The following CEP135 variants were observed in gnomAD, a reference collection of about 807,000 sequenced individuals.
The protein encoded by CEP135 is centrosomal protein of 135 kDa.
CEP135 carries 142 observed loss-of-function variants against 157.3 expected under a neutral mutation model. The observed-to-expected ratio is 0.90, with a 90% CI of 0.79 to 1.04. The LOEUF (loss-of-function observed/expected upper bound fraction) is 1.04, where lower values mean the gene tolerates loss of function less well. Among genes scored for constraint, CEP135 ranks in the 50% least tolerant of loss-of-function variants. The pLI is 0.00. For synonymous variants in CEP135, 396 were observed against 439.8 expected (o/e 0.90, Z 1.25); for missense variants, 1,317 against 1,309.2 (o/e 1.01, Z -0.09).
chr4:56,012,599 T>C (rs1176179450), intron 21 of CEP135, among the ~76,000 whole-genome samples: 1 of 152,228 alleles, frequency 6.6e-6, no homozygotes, highest in African/African-American at 2.4e-5. Context: ...TGAATTCGAT[T>C]ACTCTAGATA....
chr4:55,973,569 T>A (rs1395106540), intron 10 of CEP135, among the ~76,000 whole-genome samples: 1 of 152,206 alleles, frequency 6.6e-6, no homozygotes, highest in Non-Finnish European at 1.5e-5. Flanking sequence ...GGGCCCTAAC[T>A]TCTCTAATTT....
Position 55,974,879 on chromosome 4 carries a change from A to G in CEP135, c.1383A>G (p.Leu461=). ...AACGAGATTATTATAAGAAAGAGCT[A>G]GAGAGACTCCAACATATAATACAGC... The part of the protein sequence containing the change: ...EEERDYYKKE[L]ERLQHIIQRR... Residue 461 remains leucine, a synonymous_variant, in exon 11 of 26, where the codon CTA becomes CTG. Coordinates refer to ENST00000257287, the MANE Select transcript of CEP135 (RefSeq NM_025009.5). The G allele has an allele frequency of 1.2e-6, 2 of 1,613,886 alleles. No homozygotes were observed. Among genetic ancestry groups the G allele is most frequent in the East Asian group, 2.2e-5 (1 of 44,824 alleles).
chr4:55,952,079 C>T lies in CEP135; in HGVS notation c.-45-7C>T. The T allele has an allele frequency of 3.5e-6, 3 of 866,844 alleles. No individual in the cohort carries two copies. The highest frequency in any genetic ancestry group is 5.6e-6 in the Non-Finnish European group (3 of 532,314). The allele number at this position is 866,844 out of a possible 1,614,324, so 53.7% of individuals were successfully genotyped here. A position where few individuals can be genotyped will look rare whatever the true frequency, so the allele number is the denominator to read the frequency against. ...TAAGATAATGATGTTTCATTCTTTT[C>T]TCTCAGGACTTTAATTTTTGGAAGT... On this transcript the variant is annotated splice_polypyrimidine_tract_variant and splice_region_variant and intron_variant, in intron 1 of 25. Coordinates refer to ENST00000257287, the MANE Select transcript of CEP135 (RefSeq NM_025009.5).
Position 55,957,111 on chromosome 4 carries a change from A to G in CEP135, c.473-112A>G. The G allele has an allele frequency of 3.8e-6, 4 of 1,052,878 alleles. No homozygotes were observed. The South Asian group carries it at 4.8e-5, about 13-fold the overall frequency. 65.2% of individuals were successfully genotyped at this position (1,052,878 alleles called of 1,614,324 possible). ...TTGATGGAGAAAATATTTTGTCAAT[A>G]TGTATTATGAACTGCAGACACACTT... is the stretch of plus-strand genomic sequence containing the variant. On this transcript the variant is annotated intron_variant, in intron 4 of 25. Transcript: ENST00000257287.
intron 11 of CEP135, among the ~76,000 whole-genome samples, chr4:55,978,319 A>G (rs1729290320): frequency 6.6e-6 from 1 of 152,224 alleles, no homozygotes. Context: ...AATCATGTAC[A>G]TAACCTTATA....
At chr4:56,020,971 A>T (rs1242647521) in intron 24 of CEP135, among the ~76,000 whole-genome samples, 191 bp downstream of exon 24, 1 of 152,218 alleles carries the variant, frequency 6.6e-6, no homozygotes. Flanking sequence ...ACAGTAACTA[A>T]AATAGCAAGT....
At chr4:56,020,591 T>C in intron 23 of CEP135, 85 bp from the exon 24 acceptor site, 1 of 1,020,672 alleles carries the variant, frequency 9.8e-7, no homozygotes, top group South Asian at 1.4e-5. Context: ...GGTCTTGATC[T>C]TCTCTTTATT....
chr4:55,985,774 A>G (rs2109691896), intron 14 of CEP135, among the ~76,000 whole-genome samples: 1 of 152,152 alleles, frequency 6.6e-6, no homozygotes, highest in African/African-American at 2.4e-5. Context: ...ACACTGTTTT[A>G]TACAATTACA....
intron 14 of CEP135, 41 bp downstream of exon 14, chr4:55,985,399 G>T (rs1729545719): frequency 2.2e-6 from 2 of 920,882 alleles, no homozygotes; most frequent in Middle Eastern, 2.3e-4. Context: ...TGTGTTATAT[G>T]AATAACTATG....
chr4:56,008,262 A>G (rs757282711), intron 17 of CEP135, 65 bp from the exon 18 acceptor site: 4 of 1,143,664 alleles, frequency 3.5e-6, no homozygotes, highest in Non-Finnish European at 3.9e-6. Flanking sequence ...GAATATGACA[A>G]GTTACATAAA....
chr4:56,005,914 A>G (rs1344338750), intron 17 of CEP135, among the ~76,000 whole-genome samples: 6 of 151,900 alleles, frequency 3.9e-5, no homozygotes, highest in African/African-American at 7.3e-5. Context: ...ATGATAGTCT[A>G]CTTCCTCTTG....
intron 11 of CEP135, among the ~76,000 whole-genome samples, chr4:55,979,017 G>A (rs1729314013): frequency 6.6e-6 from 1 of 152,192 alleles, no homozygotes; most frequent in South Asian, 2.1e-4. Flanking sequence ...ATTTAACCAA[G>A]AGATTAATTA....
rs1731401076 is a variant in CEP135 at position 56,032,737 on chromosome 4, T to C, written c.*1389T>C. On this transcript the variant is annotated 3_prime_UTR_variant, in exon 26 of 26. Transcript: ENST00000257287. Reference sequence around the variant, plus strand: ...ACAAAAATCAATCGTGAAGAAAATCTGTTCTTAATATATTTCATTATGATT... The same window carrying C: ...ACAAAAATCAATCGTGAAGAAAATCCGTTCTTAATATATTTCATTATGATT... The C allele has an allele frequency of 6.6e-6, 1 of 152,226 alleles. No individual in the cohort carries two copies. Among genetic ancestry groups the C allele is most frequent in the South Asian group, 2.1e-4 (1 of 4,832 alleles). 9.4% of individuals were successfully genotyped at this position (152,226 alleles called of 1,614,324 possible). A position where few individuals can be genotyped will look rare whatever the true frequency, so the allele number is the denominator to read the frequency against.
At chr4:56,006,271 TTTG>T (rs1272418186) in intron 17 of CEP135, among the ~76,000 whole-genome samples, 2 of 152,268 alleles carry the variant, frequency 1.3e-5, no homozygotes, top group Non-Finnish European at 1.5e-5. Flanking sequence ...TTTTTATTCT[TTTG>T]TTGTTGTTGT....
At chr4:55,986,603 T>C (rs1729596503) in intron 14 of CEP135, among the ~76,000 whole-genome samples, 1 of 152,206 alleles carries the variant, frequency 6.6e-6, no homozygotes, top group African/African-American at 2.4e-5. Flanking sequence ...CTTCCATTCT[T>C]TATTACTCTC....
chr4:56,028,503 A>C (rs1469705981), intron 25 of CEP135, among the ~76,000 whole-genome samples: 1 of 152,140 alleles, frequency 6.6e-6, no homozygotes, highest in Non-Finnish European at 1.5e-5. Context: ...GAGGTATATT[A>C]ATGAGATTGT....
At chr4:55,985,736 C>G (rs1196247470) in intron 14 of CEP135, among the ~76,000 whole-genome samples, 1 of 152,164 alleles carries the variant, frequency 6.6e-6, no homozygotes, top group African/African-American at 2.4e-5. Flanking sequence ...GCTGGGATTA[C>G]AGCATGAGCC....
rs145993112 is a variant in CEP135 at position 56,024,600 on chromosome 4, G to C, written c.3420G>C (p.Val1140=). The part of the protein sequence containing the change: ...SPSHSPEHRN[V] ...CACATTCTCCTGAACATAGAAATGT[G>C]TAATTATCAGAAAGGTATGTATGTA... Residue 1140 remains valine (V), a synonymous_variant, in exon 25 of 26, where the codon GTG becomes GTC. Transcript: ENST00000257287. The C allele has an allele frequency of 1.2e-6, 2 of 1,605,604 alleles. No individual in the cohort carries two copies.
chr4:56,009,601 TA>T lies in CEP135; in HGVS notation c.2337-132del, dbSNP rs1326500360. On this transcript the variant is annotated intron_variant, in intron 18 of 25. Coordinates refer to ENST00000257287, the MANE Select transcript of CEP135 (RefSeq NM_025009.5). Reference sequence around the variant, plus strand: ...TGTTCTACCTAATTAATAGGTCTCTTAATGCAGCAGTTATAATTTCTTATAA... The same window carrying T: ...TGTTCTACCTAATTAATAGGTCTCTTATGCAGCAGTTATAATTTCTTATAA... 6.3e-5 allele frequency: 45 copies of T among 713,302 alleles called. No homozygotes were observed. In the African/African-American group the frequency reaches 7.9e-4, roughly 12 times the overall value. 44.2% of individuals were successfully genotyped at this position (713,302 alleles called of 1,614,324 possible).
Sources: gnomAD v4.1 joint callset for allele counts (sites outside exome capture counted in the v4.1 genomes callset) on GRCh38, gnomAD v4.1.1 for gene constraint, MANE v1.5 for transcripts, NCBI Gene and HGNC (gene_info 2026-07-23, HGNC 2026-07-21) for gene names.